The following DYSF variants were observed in gnomAD, a reference collection of about 807,000 sequenced individuals.
The protein encoded by DYSF is dystrophy-associated fer-1-like 1.
DYSF carries 212 observed loss-of-function variants against 274.9 expected under a neutral mutation model. That is an observed-to-expected ratio of 0.77 (90% CI 0.69 to 0.86). The LOEUF is 0.86. Among genes scored for constraint, DYSF ranks in the 40% least tolerant of loss-of-function variants. The pLI is 0.00. For missense variants in DYSF, 2,666 were observed against 2,783.2 expected (o/e 0.96, Z 0.95); for synonymous variants, 1,091 against 1,078.7 (o/e 1.01, Z -0.22).
chr2:71,602,889 C>T, intron 36 of DYSF, 84 bp downstream of exon 36: 1 of 1,530,184 alleles, frequency 6.5e-7, no homozygotes, highest in South Asian at 1.1e-5. Flanking sequence ...CTGGAGCCTT[C>T]CAGGTTCCTG....
rs561364963 is a variant in DYSF at position 71,662,964 on chromosome 2, G to A, written c.5004-1304G>A. ...TGTGTGTGTGTGCATATTTGTGTGT[G>A]TATGTCTGTGTCCATGTGTCTGCAT... On this transcript the variant is annotated intron_variant, in intron 45 of 55. Transcript: ENST00000410020. Among the ~76,000 whole-genome samples the A allele has an allele frequency of 2.3e-4, 35 of 152,290 alleles. No individual in the cohort carries two copies. The South Asian group carries it at 6.7e-3, about 29-fold the overall frequency.
chr2:71,664,190 T>A (rs558499381), intron 45 of DYSF, 78 bp from the exon 46 acceptor site: 2 of 1,597,422 alleles, frequency 1.3e-6, no homozygotes, highest in East Asian at 2.2e-5. Flanking sequence ...CCTGGGGTAG[T>A]TTCGAGCTCT....
intron 32 of DYSF, among the ~76,000 whole-genome samples, chr2:71,593,918 A>G (rs985699539): frequency 6.6e-5 from 10 of 152,206 alleles, no homozygotes; most frequent in African/African-American, 2.4e-4. Flanking sequence ...AACTGAGCCA[A>G]TGAGAGATGG....
At position 71,611,246 on chromosome 2, in the gene DYSF, C is replaced by A; in HGVS notation, c.3959C>A (p.Ser1320Tyr). 1 of 1,611,978 alleles carries A rather than the reference C, an allele frequency of 6.2e-7. No individual in the cohort carries two copies. Among genetic ancestry groups the A allele is most frequent in the South Asian group, 1.1e-5 (1 of 91,026 alleles). The change falls in exon 37 of 56, where the codon TCT (serine) becomes TAT (tyrosine). Residue 1320 changes from serine (S) to tyrosine (Y), a missense_variant and splice_region_variant. Ser to Tyr is a moderately radical substitution (Grantham distance 144). Transcript: ENST00000410020. Reference sequence around the variant, plus strand: ...CATTCTACCTGCTGTCCACTGCAGTCTGAGGACACAGACCTGCCCTACCCA... The same window carrying A: ...CATTCTACCTGCTGTCCACTGCAGTATGAGGACACAGACCTGCCCTACCCA... ...VQETSRILDE[S>Y]EDTDLPYPPP...
intron 17 of DYSF, among the ~76,000 whole-genome samples, chr2:71,546,513 C>T (rs2090488557): frequency 6.6e-6 from 1 of 152,230 alleles, no homozygotes; most frequent in African/African-American, 2.4e-5. Context: ...TAGAGTGTTC[C>T]TTGGACCCTG....
At chr2:71,664,000 A>G (rs967224286) in intron 45 of DYSF, among the ~76,000 whole-genome samples, 2 of 152,170 alleles carry the variant, frequency 1.3e-5, no homozygotes, top group African/African-American at 2.4e-5. Context: ...TTTAATGTGC[A>G]TTTCCAATTC....
chr2:71,523,571 G>C (rs1258901542), intron 12 of DYSF, among the ~76,000 whole-genome samples: 4 of 105,416 alleles, frequency 3.8e-5, no homozygotes, highest in Non-Finnish European at 7.5e-5. Flanking sequence ...TTTTGAGAAA[G>C]AATCTTGCTC....
At chr2:71,650,191 T>A (rs914540482) in intron 42 of DYSF, among the ~76,000 whole-genome samples, 4 of 152,158 alleles carry the variant, frequency 2.6e-5, no homozygotes, top group African/African-American at 4.8e-5. Flanking sequence ...GACAAAAATG[T>A]CAGAGGAGGC....
In DYSF at chr2:71,553,949, C is replaced by G. The variant is rs752456500; in HGVS notation, c.2109+18C>G. Reference sequence around the variant, plus strand: ...ACCGGCTGGTGAGTGAAAACTTGCCCAAAGCTGCACATGCCTATGCATGCA... The same window carrying G: ...ACCGGCTGGTGAGTGAAAACTTGCCGAAAGCTGCACATGCCTATGCATGCA... On this transcript the variant is annotated intron_variant, in intron 21 of 55. Transcript: ENST00000410020. 6.2e-7 allele frequency: 1 copy of G among 1,614,094 alleles called. No homozygotes were observed.
chr2:71,623,888 G>A (rs1201016656), intron 41 of DYSF, among the ~76,000 whole-genome samples: 1 of 151,888 alleles, frequency 6.6e-6, no homozygotes, highest in Non-Finnish European at 1.5e-5. Flanking sequence ...GGGCAGCATA[G>A]TGAAACCCTG....
chr2:71,470,796 C>CTTTT (rs1178796372), intron 1 of DYSF, among the ~76,000 whole-genome samples: 1 of 107,258 alleles, frequency 9.3e-6, no homozygotes. Flanking sequence ...TTCCTTCCTT[C>CTTTT]TTTTTTTTTT....
intron 51 of DYSF, among the ~76,000 whole-genome samples, chr2:71,672,922 G>C (rs551033550): frequency 6.6e-5 from 10 of 152,346 alleles, no homozygotes; most frequent in African/African-American, 2.4e-4. Flanking sequence ...GGCCGTGGCT[G>C]GGTGCTTTGC....
At chr2:71,526,421 C>CTGGGGGGGGGGGGGGGGGGGTGGGG in intron 13 of DYSF, 75 bp downstream of exon 13, 3 of 272,070 alleles carry the variant, frequency 1.1e-5, no homozygotes, top group Non-Finnish European at 2.0e-5. Context: ...TGGGCGATGG[C>CTGGGGGGGGGGGGGGGGGGGTGGGG]GGGCGGGGTC....
intron 42 of DYSF, among the ~76,000 whole-genome samples, chr2:71,647,672 T>C (rs2094588399): frequency 2.0e-5 from 3 of 152,220 alleles, no homozygotes; most frequent in Admixed American, 6.5e-5. Context: ...ATGCAGAATG[T>C]TGAAAGATCA....
intron 51 of DYSF, 135 bp from the exon 52 acceptor site, chr2:71,674,062 G>A: frequency 3.9e-6 from 3 of 764,322 alleles, no homozygotes; most frequent in Non-Finnish European, 6.9e-6. Flanking sequence ...CTTCCCACAG[G>A]ACCTGGCTCT....
intron 17 of DYSF, among the ~76,000 whole-genome samples, chr2:71,543,056 C>A (rs560483096): frequency 6.6e-6 from 1 of 151,440 alleles, no homozygotes; most frequent in East Asian, 2.0e-4. Context: ...CTGCCCCCCA[C>A]CTCCCGGACT....
chr2:71,598,751 T>C lies in DYSF; in HGVS notation c.3756+6T>C, dbSNP rs1417854734. On this transcript the variant is annotated splice_donor_region_variant and intron_variant, in intron 33 of 55. Transcript: ENST00000410020. Reference sequence around the variant, plus strand: ...TGTACGACCATGACACTTATGTGAGTCTGCCCAGCTCCTGCCTCGTCCCCT... The same window carrying C: ...TGTACGACCATGACACTTATGTGAGCCTGCCCAGCTCCTGCCTCGTCCCCT... The C allele has an allele frequency of 6.2e-7, 1 of 1,610,752 alleles. No individual in the cohort carries two copies. Among genetic ancestry groups the C allele is most frequent in the East Asian group, 2.2e-5 (1 of 44,862 alleles).
Position 71,510,099 on chromosome 2 carries a change from T to A in DYSF, c.346-1708T>A, listed in dbSNP as rs550472812. Among the ~76,000 whole-genome samples, 7 of 152,342 alleles carry A rather than the reference T, an allele frequency of 4.6e-5. No homozygotes were observed. The East Asian group carries it at 1.3e-3, about 29-fold the overall frequency. On this transcript the variant is annotated intron_variant, in intron 4 of 55. Transcript: ENST00000410020. Reference sequence around the variant, plus strand: ...CTTTTGATGTGTTTTTAAGAATCAGTCATTCATTGAGCATTTCCTTCCTTT... The same window carrying A: ...CTTTTGATGTGTTTTTAAGAATCAGACATTCATTGAGCATTTCCTTCCTTT...
rs756123529 is a variant in DYSF, at chr2:71,617,879, G to GGTGTGTGTGTGGTAGA, written c.4465-2659_4465-2658insTGGTAGAGTGTGTGTG. Among the ~76,000 whole-genome samples the GGTGTGTGTGTGGTAGA allele has an allele frequency of 9.7e-5, 2 of 20,668 alleles. 1 individual carries two copies. The highest frequency in any genetic ancestry group is 2.0e-4 in the Non-Finnish European group (2 of 9,784). 13.6% of individuals were successfully genotyped at this position (20,668 alleles called of 152,430 possible). On this transcript the variant is annotated intron_variant, in intron 40 of 55. Coordinates refer to ENST00000410020, the MANE Select transcript of DYSF (RefSeq NM_001130987.2). ...GGGTGTGTGTGTGTGGTAGAGGTGG[G>GGTGTGTGTGTGGTAGA]GTGTGTGTGGTAGAGGTGTGTTTGT...
Sources: allele counts gnomAD v4.1 joint callset (sites outside exome capture counted in the v4.1 genomes callset), GRCh38; gene constraint gnomAD v4.1.1; transcripts MANE v1.5; gene names NCBI Gene and HGNC (gene_info 2026-07-23, HGNC 2026-07-21).